The following CSMD1 variants were observed in gnomAD, a reference collection of about 807,000 sequenced individuals.
The protein encoded by CSMD1 is CUB and sushi domain-containing protein 1.
A neutral mutation model predicts 417.5 loss-of-function variants in CSMD1; 213 were observed. That is an observed-to-expected ratio of 0.51 (90% CI 0.46 to 0.57). CSMD1 has a LOEUF of 0.57. Among genes scored for constraint, CSMD1 ranks in the 20% least tolerant of loss-of-function variants. CSMD1 has a pLI of 0.00. For missense variants in CSMD1, 6,923 were observed against 4,529.7 expected (o/e 1.53, Z -15.17); for synonymous variants, 2,862 against 1,736.8 (o/e 1.65, Z -16.11).
At chr8:3,583,272 A>C (rs1800458429) in intron 9 of CSMD1, among the ~76,000 whole-genome samples, 1 of 151,894 alleles carries the variant, frequency 6.6e-6, no homozygotes, top group African/African-American at 2.4e-5. Context: ...AACTGCTTGG[A>C]CATGAGGTGT....
chr8:3,813,975 C>T (rs377576974), intron 5 of CSMD1, among the ~76,000 whole-genome samples: 2 of 152,188 alleles, frequency 1.3e-5, no homozygotes, highest in Non-Finnish European at 2.9e-5. Flanking sequence ...ATATGTGATT[C>T]TTACCTAAGT....
At chr8:4,548,707 T>A (rs1797736880) in intron 2 of CSMD1, among the ~76,000 whole-genome samples, 1 of 152,220 alleles carries the variant, frequency 6.6e-6, no homozygotes, top group African/African-American at 2.4e-5. Context: ...TTTCTCTTTT[T>A]TAACTGATCT....
At chr8:3,590,414 G>A (rs1800796890) in intron 8 of CSMD1, among the ~76,000 whole-genome samples, 1 of 152,094 alleles carries the variant, frequency 6.6e-6, no homozygotes, top group Non-Finnish European at 1.5e-5. Flanking sequence ...CCTGAACTCG[G>A]CTCTTACTCT....
chr8:4,330,582 C>G (rs1050384306), intron 3 of CSMD1, among the ~76,000 whole-genome samples: 1 of 130,096 alleles, frequency 7.7e-6, no homozygotes, highest in African/African-American at 2.6e-5. Context: ...AGAGTGAAAC[C>G]CTGTCTCAAA....
chr8:4,023,348 T>G (rs1796883167), intron 4 of CSMD1, among the ~76,000 whole-genome samples: 2 of 152,140 alleles, frequency 1.3e-5, no homozygotes, highest in Non-Finnish European at 2.9e-5. Flanking sequence ...AATACTGTAT[T>G]AATGAAACAA....
At chr8:3,794,299 C>T (rs1338226747) in intron 5 of CSMD1, among the ~76,000 whole-genome samples, 2 of 152,144 alleles carry the variant, frequency 1.3e-5, no homozygotes, top group Non-Finnish European at 1.5e-5. Flanking sequence ...GTAGCGACTT[C>T]AAACTGAAAA....
intron 3 of CSMD1, among the ~76,000 whole-genome samples, chr8:4,181,547 T>C (rs888060764): frequency 1.3e-5 from 2 of 152,106 alleles, no homozygotes; most frequent in Non-Finnish European, 2.9e-5. Flanking sequence ...GTTTATGAAT[T>C]TGTGTTTGGC....
At chr8:3,618,658 C>T (rs1019298644) in intron 7 of CSMD1, among the ~76,000 whole-genome samples, 3 of 151,602 alleles carry the variant, frequency 2.0e-5, no homozygotes, top group African/African-American at 7.3e-5. Flanking sequence ...ATGGAAACAC[C>T]AAAGAAATGA....
At chr8:3,586,455 G>A (rs1258497572) in intron 8 of CSMD1, among the ~76,000 whole-genome samples, 195 bp from the exon 9 acceptor site, 1 of 152,038 alleles carries the variant, frequency 6.6e-6, no homozygotes, top group Non-Finnish European at 1.5e-5. Flanking sequence ...AAAAGACTTG[G>A]GTTCAGATTC....
At chr8:4,450,509 C>G (rs1799077084) in intron 2 of CSMD1, among the ~76,000 whole-genome samples, 1 of 151,982 alleles carries the variant, frequency 6.6e-6, no homozygotes, top group Non-Finnish European at 1.5e-5. Context: ...GTGGTGCGGG[C>G]CTGTAGTGCC....
At chr8:4,001,663 T>C (rs914698726) in intron 4 of CSMD1, among the ~76,000 whole-genome samples, 2 of 152,120 alleles carry the variant, frequency 1.3e-5, no homozygotes, top group African/African-American at 2.4e-5. Context: ...ACTTACTATC[T>C]ACATTTTCCT....
chr8:4,134,945 A>G (rs1803327090), intron 3 of CSMD1, among the ~76,000 whole-genome samples: 1 of 152,092 alleles, frequency 6.6e-6, no homozygotes, highest in Admixed American at 6.5e-5. Flanking sequence ...TTCCTCAACC[A>G]ACACATCTGT....
At chr8:4,147,235 G>A (rs1187344099) in intron 3 of CSMD1, among the ~76,000 whole-genome samples, 1 of 152,036 alleles carries the variant, frequency 6.6e-6, no homozygotes, top group Non-Finnish European at 1.5e-5. Flanking sequence ...TGATTTGACT[G>A]CTGCCTACCT....
chr8:3,811,059 A>G (rs1210355636), intron 5 of CSMD1, among the ~76,000 whole-genome samples: 1 of 152,188 alleles, frequency 6.6e-6, no homozygotes, highest in Non-Finnish European at 1.5e-5. Context: ...CTTGAATTCT[A>G]AAGAGCTGTT....
At chr8:4,810,961 T>C (rs1006077238) in intron 1 of CSMD1, among the ~76,000 whole-genome samples, 3 of 152,162 alleles carry the variant, frequency 2.0e-5, no homozygotes, top group Non-Finnish European at 4.4e-5. Flanking sequence ...GTGATGATAT[T>C]AAAGACAAGA....
At chr8:4,514,066 T>C (rs745817023) in intron 2 of CSMD1, among the ~76,000 whole-genome samples, 1 of 152,046 alleles carries the variant, frequency 6.6e-6, no homozygotes, top group African/African-American at 2.4e-5. Flanking sequence ...AACAACAAAA[T>C]TTTTATTTTA....
intron 5 of CSMD1, among the ~76,000 whole-genome samples, chr8:3,953,989 G>A (rs1057000084): frequency 2.0e-5 from 3 of 152,176 alleles, no homozygotes; most frequent in Non-Finnish European, 2.9e-5. Context: ...CCTTCCTCTG[G>A]TGGTGATGCC....
At chr8:3,367,411 C>T (rs1001833224) in intron 19 of CSMD1, among the ~76,000 whole-genome samples, 164 bp from the exon 20 acceptor site, 2 of 150,770 alleles carry the variant, frequency 1.3e-5, no homozygotes, top group Admixed American at 1.3e-4. Context: ...GTAATAGCCA[C>T]AGAGAGACAG....
intron 3 of CSMD1, among the ~76,000 whole-genome samples, chr8:4,165,706 G>A (rs1052855969): frequency 2.6e-5 from 4 of 152,146 alleles, no homozygotes; most frequent in South Asian, 2.1e-4. Context: ...CCCGGCCCAA[G>A]TATCATTTTT....
Sources: gnomAD v4.1 joint callset for allele counts (sites outside exome capture counted in the v4.1 genomes callset) on GRCh38, gnomAD v4.1.1 for gene constraint, MANE v1.5 for transcripts, NCBI Gene and HGNC (gene_info 2026-07-23, HGNC 2026-07-21) for gene names.